DIP2C: variants seen among roughly 807,000 people sequenced by gnomAD.
DIP2C encodes the protein DIP2 acetate--CoA ligase C (putative), also known as disco-interacting protein 2 homolog C.
Under a neutral mutation model 192.4 loss-of-function variants are expected in DIP2C, and 33 were observed. The ratio of observed to expected loss-of-function variants is 0.17; its 90% CI spans 0.13 to 0.23. The LOEUF (loss-of-function observed/expected upper bound fraction) is 0.23. DIP2C is among the 10% of genes least tolerant of loss of function. The pLI, the probability that DIP2C is intolerant of heterozygous loss-of-function variation, is 1.00. For synonymous variants in DIP2C, 979 were observed against 864.1 expected (o/e 1.13, Z -2.33); for missense variants, 1,537 against 2,110.1 (o/e 0.73, Z 5.32).
At chr10:600,237 G>A (rs986102881) in intron 1 of DIP2C, among the ~76,000 whole-genome samples, 1 of 152,302 alleles carries the variant, frequency 6.6e-6, no homozygotes, top group Admixed American at 6.5e-5. Context: ...GGAACCCTCA[G>A]TGACCAGGTT....
intron 3 of DIP2C, among the ~76,000 whole-genome samples, chr10:459,892 C>A (rs148127120): frequency 7.0e-6 from 1 of 143,682 alleles, no homozygotes; most frequent in Non-Finnish European, 1.5e-5. Flanking sequence ...ACCTGCTGCA[C>A]GTGAGCTCTA....
intron 1 of DIP2C, among the ~76,000 whole-genome samples, chr10:573,733 G>C (rs1849968710): frequency 6.6e-6 from 1 of 151,930 alleles, no homozygotes; most frequent in Non-Finnish European, 1.5e-5. Flanking sequence ...TTCTTTTTAA[G>C]TGATTATGTG....
chr10:550,570 T>G (rs1225432021), intron 1 of DIP2C, among the ~76,000 whole-genome samples: 2 of 152,146 alleles, frequency 1.3e-5, no homozygotes, highest in African/African-American at 2.4e-5. Flanking sequence ...TCAGTGCTAT[T>G]ACAACAATCA....
intron 1 of DIP2C, among the ~76,000 whole-genome samples, chr10:529,134 C>T (rs2130851482): frequency 6.6e-6 from 1 of 152,286 alleles, no homozygotes; most frequent in South Asian, 2.1e-4. Flanking sequence ...ACAATCTGAA[C>T]ATTCTTCTAG....
intron 18 of DIP2C, among the ~76,000 whole-genome samples, chr10:367,767 G>T (rs1373107235): frequency 6.6e-6 from 1 of 152,238 alleles, no homozygotes; most frequent in South Asian, 2.1e-4. Flanking sequence ...CGCGGAGCTC[G>T]TTACGCGCTG....
At chr10:307,303 C>T (rs1284994407) in intron 32 of DIP2C, among the ~76,000 whole-genome samples, 2 of 152,246 alleles carry the variant, frequency 1.3e-5, no homozygotes, top group African/African-American at 4.8e-5. Context: ...GAGGAGCTGA[C>T]TTCTGACCTG....
intron 30 of DIP2C, among the ~76,000 whole-genome samples, chr10:328,792 G>A (rs536200174): frequency 5.3e-4 from 81 of 152,258 alleles, no homozygotes; most frequent in African/African-American, 1.8e-3. Context: ...CATCCAAAGA[G>A]TACAAAGTCA....
At chr10:619,514 C>A (rs184636600) in intron 1 of DIP2C, among the ~76,000 whole-genome samples, 6 of 108,480 alleles carry the variant, frequency 5.5e-5, no homozygotes, top group Admixed American at 2.7e-4. Flanking sequence ...GGCTTTATGC[C>A]AGGGCCAGGA....
chr10:598,009 C>T (rs1399203613), intron 1 of DIP2C, among the ~76,000 whole-genome samples: 5 of 152,236 alleles, frequency 3.3e-5, no homozygotes, highest in South Asian at 2.1e-4. Flanking sequence ...TTCATGCACT[C>T]AGCAGCGCCA....
intron 31 of DIP2C, among the ~76,000 whole-genome samples, chr10:312,799 T>C (rs761556580): frequency 2.9e-4 from 44 of 152,320 alleles, no homozygotes; most frequent in Middle Eastern, 6.8e-3. Context: ...CTGAATATAT[T>C]TGAGCTGAAT....
intron 1 of DIP2C, among the ~76,000 whole-genome samples, chr10:542,618 T>A (rs887776196): frequency 6.6e-6 from 1 of 152,250 alleles, no homozygotes; most frequent in Admixed American, 6.5e-5. Flanking sequence ...TGGAGGGTTC[T>A]AACCCTGCCC....
chr10:566,280 A>C (rs1016483331), intron 1 of DIP2C, among the ~76,000 whole-genome samples: 3 of 152,156 alleles, frequency 2.0e-5, no homozygotes, highest in Non-Finnish European at 1.5e-5. Context: ...CCATTTATTA[A>C]AAGCCTGGCC....
At chr10:471,790 T>C (rs1970651332) in intron 3 of DIP2C, among the ~76,000 whole-genome samples, 2 of 152,332 alleles carry the variant, frequency 1.3e-5, no homozygotes, top group East Asian at 1.9e-4. Flanking sequence ...TTTTGCTCTG[T>C]TGCCCAGGCT....
At chr10:376,666 G>C (rs1287676204) in intron 17 of DIP2C, among the ~76,000 whole-genome samples, 1 of 151,900 alleles carries the variant, frequency 6.6e-6, no homozygotes, top group African/African-American at 2.4e-5. Context: ...GAAGGTGCCG[G>C]GGCAGCCACA....
At chr10:606,459 C>A (rs1216427121) in intron 1 of DIP2C, among the ~76,000 whole-genome samples, 2 of 151,838 alleles carry the variant, frequency 1.3e-5, no homozygotes, top group African/African-American at 4.8e-5. Context: ...TCTCGCCCCG[C>A]TGCGGTAATT....
At chr10:378,697 A>G (rs1307978745) in intron 17 of DIP2C, among the ~76,000 whole-genome samples, 1 of 152,128 alleles carries the variant, frequency 6.6e-6, no homozygotes, top group Non-Finnish European at 1.5e-5. Context: ...ATGCATACAC[A>G]CATGAACAGA....
At chr10:504,770 C>A (rs1845472093) in intron 1 of DIP2C, among the ~76,000 whole-genome samples, 1 of 152,260 alleles carries the variant, frequency 6.6e-6, no homozygotes, top group African/African-American at 2.4e-5. Flanking sequence ...TAACCTGGTT[C>A]TTTTCAGCTT....
At chr10:364,676 T>A in intron 19 of DIP2C, 94 bp from the exon 20 acceptor site, 1 of 1,376,098 alleles carries the variant, frequency 7.3e-7, no homozygotes, top group Non-Finnish European at 1.0e-6. Flanking sequence ...CTGCTTTGCT[T>A]AAGCTCTGCC....
intron 3 of DIP2C, among the ~76,000 whole-genome samples, chr10:452,663 C>A (rs1243562987): frequency 6.6e-6 from 1 of 152,224 alleles, no homozygotes; most frequent in Non-Finnish European, 1.5e-5. Context: ...ACGATGGCCC[C>A]CTGGTTCCTC....
Sources: gnomAD v4.1 joint callset for allele counts (sites outside exome capture counted in the v4.1 genomes callset) on GRCh38, gnomAD v4.1.1 for gene constraint, MANE v1.5 for transcripts, NCBI Gene and HGNC (gene_info 2026-07-23, HGNC 2026-07-21) for gene names.